The following ZFHX3 variants were observed in gnomAD, a reference collection of about 807,000 sequenced individuals.
The protein encoded by ZFHX3 is zinc finger homeobox 3, also known as zinc finger homeobox protein 3.
ZFHX3 carries 42 observed loss-of-function variants against 279.1 expected under a neutral mutation model. That is an observed-to-expected ratio of 0.15 (90% CI 0.12 to 0.19). The LOEUF (loss-of-function observed/expected upper bound fraction) is 0.19. Ranked by LOEUF, ZFHX3 falls within the 10% of genes least tolerant of loss-of-function variation. ZFHX3 has a pLI of 1.00. For synonymous variants in ZFHX3, 2,293 were observed against 1,957.8 expected (o/e 1.17, Z -4.52); for missense variants, 4,981 against 4,754.0 (o/e 1.05, Z -1.40).
rs1961447323 is a variant in ZFHX3 at position 72,959,420 on chromosome 16, C to T, written c.726G>A (p.Lys242=). Residue 242 remains lysine (K), a synonymous_variant, in exon 2 of 10, where the codon AAG becomes AAA. Coordinates refer to ENST00000268489, the MANE Select transcript of ZFHX3 (RefSeq NM_006885.4). ...RVFDVRHKSN[K]DYLNSDGSAK... ...CAGAACCGTCGCTGTTCAGGTAATC[C>T]TTGTTGCTTTTGTGTCGCACGTCAA... 1.2e-6 allele frequency: 2 copies of T among 1,614,206 alleles called. No individual in the cohort carries two copies. Among genetic ancestry groups the T allele is most frequent in the South Asian group, 2.2e-5 (2 of 91,086 alleles).
rs1966221079 is a variant in ZFHX3, at chr16:73,100,761, C to G, written c.-896-7163G>C. 2.0e-5 allele frequency among the ~76,000 whole-genome samples: 3 copies of G among 152,068 alleles called. No homozygotes were observed. In the South Asian group the frequency reaches 6.2e-4, roughly 32 times the overall value. ...TACAGGCACCCACCATCACGCCTGGCTAATTTTTGTATTTTTGTAGAGATG... is the reference window on the plus strand; with the variant it reads ...TACAGGCACCCACCATCACGCCTGGGTAATTTTTGTATTTTTGTAGAGATG... On this transcript the variant is annotated intron_variant, in intron 7 of 17. Transcript: ENST00000641206.
intron 5 of ZFHX3, among the ~76,000 whole-genome samples, chr16:73,211,200 T>C (rs950366453): frequency 9.2e-5 from 14 of 152,180 alleles, no homozygotes; most frequent in Admixed American, 2.0e-4. Context: ...CCCAACTTTC[T>C]TCACAATCAT....
intron 2 of ZFHX3, among the ~76,000 whole-genome samples, chr16:73,652,295 C>G (rs1421253261): frequency 6.6e-6 from 1 of 152,058 alleles, no homozygotes; most frequent in African/African-American, 2.4e-5. Flanking sequence ...TATAAGCTTG[C>G]CCAGTTGTGG....
chr16:73,696,023 A>G (rs1254950950), intron 1 of ZFHX3, among the ~76,000 whole-genome samples: 1 of 152,204 alleles, frequency 6.6e-6, no homozygotes, highest in Non-Finnish European at 1.5e-5. Flanking sequence ...AAAGAGAGTA[A>G]GAGGGAAATT....
At chr16:73,371,370 C>T (rs927724287) in intron 3 of ZFHX3, among the ~76,000 whole-genome samples, 3 of 151,878 alleles carry the variant, frequency 2.0e-5, no homozygotes, top group African/African-American at 7.3e-5. Context: ...TAAGGTCAGT[C>T]ATTCCAACCC....
intron 1 of ZFHX3, among the ~76,000 whole-genome samples, chr16:73,766,542 A>G (rs959217540): frequency 6.6e-6 from 1 of 152,216 alleles, no homozygotes; most frequent in Non-Finnish European, 1.5e-5. Context: ...TATCCTAGCA[A>G]GTATCAATGG....
At position 73,167,884 on chromosome 16, in the gene ZFHX3, T is replaced by G. The variant is rs371442828; in HGVS notation, c.-1103-24053A>C. Among the ~76,000 whole-genome samples, 100 of 152,362 alleles carry G rather than the reference T, an allele frequency of 6.6e-4. 1 individual carries two copies. The South Asian group carries it at 0.021, about 31-fold the overall frequency. On this transcript the variant is annotated intron_variant, in intron 5 of 17. Transcript: ENST00000641206. ...CCATTCATCCCCAGTCTAATGTGAA[T>G]GGTTTTAAAATGTAGAGATTTCCAA...
At chr16:73,856,883 T>C (rs182491514) in intron 1 of ZFHX3, among the ~76,000 whole-genome samples, 10 of 152,346 alleles carry the variant, frequency 6.6e-5, no homozygotes. Flanking sequence ...AATGTTTCCA[T>C]GCCCCACCGT....
chr16:73,206,532 A>C (rs1478817182), intron 5 of ZFHX3, among the ~76,000 whole-genome samples: 1 of 152,192 alleles, frequency 6.6e-6, no homozygotes. Context: ...TGGTTACATC[A>C]TAGTAAGATT....
chr16:72,840,560 A>C (rs891767991), intron 4 of ZFHX3, among the ~76,000 whole-genome samples: 3 of 152,236 alleles, frequency 2.0e-5, no homozygotes, highest in South Asian at 2.1e-4. Flanking sequence ...CATCGAAACA[A>C]ATGGCACACA....
intron 3 of ZFHX3, among the ~76,000 whole-genome samples, chr16:73,427,725 G>T (rs2017836440): frequency 6.6e-6 from 1 of 151,982 alleles, no homozygotes; most frequent in East Asian, 1.9e-4. Flanking sequence ...CACGAGGTCA[G>T]GAGTTCAAGA....
chr16:73,279,974 T>C (rs754067182), intron 4 of ZFHX3, among the ~76,000 whole-genome samples: 6 of 152,144 alleles, frequency 3.9e-5, no homozygotes, highest in African/African-American at 7.2e-5. Flanking sequence ...CATGTATAGA[T>C]GGTCAACTAA....
At chr16:73,121,667 G>A (rs1338009508) in intron 7 of ZFHX3, among the ~76,000 whole-genome samples, 1 of 150,628 alleles carries the variant, frequency 6.6e-6, no homozygotes, top group Admixed American at 6.6e-5. Context: ...CCAGGCTGGA[G>A]TGCAGTGGCT....
At chr16:72,928,514 G>T (rs191439256) in intron 3 of ZFHX3, among the ~76,000 whole-genome samples, 5 of 152,198 alleles carry the variant, frequency 3.3e-5, no homozygotes, top group Admixed American at 6.5e-5. Flanking sequence ...GGAGGGGTCA[G>T]CGGTGTTTAT....
At position 73,045,211 on chromosome 16, in the gene ZFHX3, G is replaced by A. The variant is rs904282583; in HGVS notation, c.-50+2541C>T. 2.0e-5 allele frequency among the ~76,000 whole-genome samples: 3 copies of A among 152,170 alleles called. No individual in the cohort carries two copies. The South Asian group carries it at 6.2e-4, about 32-fold the overall frequency. On this transcript the variant is annotated intron_variant, in intron 1 of 9. Transcript: ENST00000268489. The stretch of plus-strand genomic sequence containing the variant: ...CAGTGACAATAAGGACATGTTTCCT[G>A]GATGCTAGAACTAAGCCACATCACC...
chr16:73,476,184 C>T (rs1454859639), intron 2 of ZFHX3, among the ~76,000 whole-genome samples: 1 of 151,814 alleles, frequency 6.6e-6, no homozygotes, highest in East Asian at 1.9e-4. Context: ...TTTTTGAGCA[C>T]TCTATTCTTT....
At chr16:73,332,850 C>T (rs1479913323) in intron 3 of ZFHX3, among the ~76,000 whole-genome samples, 1 of 152,194 alleles carries the variant, frequency 6.6e-6, no homozygotes, top group Non-Finnish European at 1.5e-5. Flanking sequence ...AAGAGAGAAA[C>T]TGAGACATAG....
At chr16:73,756,476 C>T (rs2053810318) in intron 1 of ZFHX3, among the ~76,000 whole-genome samples, 1 of 152,142 alleles carries the variant, frequency 6.6e-6, no homozygotes, top group Non-Finnish European at 1.5e-5. Context: ...CGTCTGTCTT[C>T]TTCCCCTTCC....
intron 3 of ZFHX3, among the ~76,000 whole-genome samples, chr16:72,903,313 T>C (rs931669565): frequency 1.3e-5 from 2 of 152,152 alleles, no homozygotes; most frequent in African/African-American, 2.4e-5. Flanking sequence ...GAATGTCAGA[T>C]GTGCAAATTC....
Sources: gnomAD v4.1 joint callset for allele counts (sites outside exome capture counted in the v4.1 genomes callset) on GRCh38, gnomAD v4.1.1 for gene constraint, MANE v1.5 for transcripts, NCBI Gene and HGNC (gene_info 2026-07-23, HGNC 2026-07-21) for gene names.